Variants in DNHD1 observed in about 807,000 individuals in gnomAD.
DNHD1 encodes dynein heavy chain domain 1.
Under a neutral mutation model 458.1 loss-of-function variants are expected in DNHD1, and 383 were observed. That is an observed-to-expected ratio of 0.84 (90% confidence interval 0.77 to 0.91). The LOEUF (loss-of-function observed/expected upper bound fraction) is 0.91. Among genes scored for constraint, DNHD1 ranks in the 40% least tolerant of loss-of-function variants. The probability of loss-of-function intolerance (pLI) is 0.00; values close to 1 mark genes in which losing one functional copy is unlikely to be tolerated. For synonymous variants in DNHD1, 2,203 were observed against 2,376.9 expected, an observed-to-expected ratio of 0.93 and a Z score of 2.13; for missense variants, 5,336 against 5,866.1, an observed-to-expected ratio of 0.91 and a Z score of 2.95.
At position 6,563,711 on chromosome 11, in the gene DNHD1, AAGG is replaced by A. The variant is rs750531229; in HGVS notation, c.9874_9876del (p.Glu3292del). ...CTTCCAGGAGCTGGTGTTCTTCCCC[AAGG>A]AGAAGATAACAGACTCAGAGCTGAT... is the stretch of plus-strand genomic sequence containing the variant. On this transcript the variant is annotated inframe_deletion, in exon 31 of 43. Transcript: ENST00000254579. The A allele has an allele frequency of 1.8e-4, 278 of 1,546,142 alleles. No homozygotes were observed. The highest frequency in any genetic ancestry group is 4.1e-4 in the Admixed American group (21 of 50,800).
At chr11:6,544,347 A>G in intron 19 of DNHD1, 101 bp downstream of exon 19, 2 of 1,378,338 alleles carry the variant, frequency 1.5e-6, no homozygotes, top group South Asian at 2.6e-5. Flanking sequence ...GAAGATATGA[A>G]GAACACAGTG....
Position 6,544,580 on chromosome 11 carries a change from T to G in DNHD1, c.3761T>G (p.Leu1254Arg). Residue 1254 changes from leucine (L) to arginine (R), a missense_variant, in exon 20 of 43, where the codon CTG becomes CGG. Around this residue, in one of 4 missense-constraint regions of DNHD1, gnomAD observed 3,932 missense variants for 4,365.6 expected, o/e 0.90. Coordinates refer to ENST00000254579, the MANE Select transcript of DNHD1 (RefSeq NM_144666.3). ...WVAIMHGLGA[L>R]LEVWLTFQQK... is the part of the protein sequence containing the mutation. ...CCTCTGGCTGCTTACACAGGTGCCC[T>G]GCTGGAGGTGTGGCTGACTTTCCAG... is the stretch of plus-strand genomic sequence containing the variant. 6.4e-7 allele frequency: 1 copy of G among 1,551,398 alleles called. No homozygotes were observed. Among genetic ancestry groups the G allele is most frequent in the Non-Finnish European group, 8.7e-7 (1 of 1,146,846 alleles).
Position 6,558,003 on chromosome 11 carries a change from T to C in DNHD1, c.8708T>C (p.Leu2903Pro). The change falls in exon 25 of 43, where the codon CTG (leucine) becomes CCG (proline). Residue 2903 changes from leucine to proline, a missense_variant. Physicochemically the swap from Leu to Pro is moderately conservative, Grantham distance 98. Transcript: ENST00000254579. ...ACTGGGCGCCACACTGCCATCACTC[T>C]GGCTTCTAGCATTTGTCAGGCCCAT... ...LGTGRHTAIT[L>P]ASSICQAHFF... 3 of 1,551,746 alleles carry C rather than the reference T, an allele frequency of 1.9e-6. No individual in the cohort carries two copies. The highest frequency in any genetic ancestry group is 2.6e-6 in the Non-Finnish European group (3 of 1,146,998).
intron 33 of DNHD1, 101 bp from the exon 34 acceptor site, chr11:6,566,140 T>C: frequency 6.7e-7 from 1 of 1,498,392 alleles, no homozygotes; most frequent in Non-Finnish European, 9.0e-7. Flanking sequence ...AACCCTCCTA[T>C]CAGCCACAGG....
chr11:6,505,865 A>C lies in DNHD1; in HGVS notation c.920+2939A>C, dbSNP rs1589865327. On this transcript the variant is annotated intron_variant, in intron 4 of 42. Transcript: ENST00000254579. The surrounding 1 kb of genome is among the most constrained non-coding windows in gnomAD (Gnocchi z 4.4). Reference sequence around the variant, plus strand: ...CTAGTGGCTGCTACACTTGACTGTCATGGCTGTAATGATAGTAATGGTAAC... The same window carrying C: ...CTAGTGGCTGCTACACTTGACTGTCCTGGCTGTAATGATAGTAATGGTAAC... Among the ~76,000 whole-genome samples, 1 of 152,240 alleles carries C rather than the reference A, an allele frequency of 6.6e-6. No individual in the cohort carries two copies. Among genetic ancestry groups the C allele is most frequent in the Non-Finnish European group, 1.5e-5 (1 of 68,038 alleles).
At position 6,564,407 on chromosome 11, in the gene DNHD1, C is replaced by T; in HGVS notation, c.10359C>T (p.Pro3453=). ...CAGCTGCCATCATCTACCTGGGTCC[C>T]TTCCCACCATTGCGGCGCCAAGAGC... The part of the protein sequence containing the change: ...LCSAAIIYLG[P]FPPLRRQELL... The change falls in exon 32 of 43, where the codon CCC becomes CCT. Residue 3453 remains proline (P), a synonymous_variant. Transcript: ENST00000254579. The T allele has an allele frequency of 6.4e-7, 1 of 1,551,706 alleles. No homozygotes were observed. Among genetic ancestry groups the T allele is most frequent in the East Asian group, 2.4e-5 (1 of 40,920 alleles).
At chr11:6,549,103 T>C in intron 24 of DNHD1, 170 bp downstream of exon 24, 1 of 713,358 alleles carries the variant, frequency 1.4e-6, no homozygotes, top group Non-Finnish European at 2.3e-6. Context: ...CCATCCACTC[T>C]CATGGCCTCA....
intron 18 of DNHD1, among the ~76,000 whole-genome samples, chr11:6,540,357 T>C (rs1375310064): frequency 6.6e-6 from 1 of 152,128 alleles, no homozygotes; most frequent in Non-Finnish European, 1.5e-5. Context: ...CAGAAATTCC[T>C]CATAGTCAGT....
chr11:6,563,361 A>G, intron 29 of DNHD1, 21 bp from the exon 30 acceptor site: 2 of 1,550,978 alleles, frequency 1.3e-6, no homozygotes, highest in South Asian at 2.4e-5. Context: ...CTCACTTCAG[A>G]GGGTATCTCT....
chr11:6,516,606 C>A (rs1196665746), intron 7 of DNHD1, among the ~76,000 whole-genome samples: 2 of 152,080 alleles, frequency 1.3e-5, no homozygotes, highest in African/African-American at 4.8e-5. Context: ...CCAGTACTAA[C>A]CACCTTTTTA....
chr11:6,499,290 T>C (rs1164024950), intron 3 of DNHD1, among the ~76,000 whole-genome samples: 2 of 152,188 alleles, frequency 1.3e-5, no homozygotes, highest in African/African-American at 4.8e-5. Flanking sequence ...TCTCCTTAAT[T>C]ATTTTTCTAT....
chr11:6,560,830 T>C (rs1433834781), intron 28 of DNHD1, among the ~76,000 whole-genome samples: 1 of 152,234 alleles, frequency 6.6e-6, no homozygotes, highest in Non-Finnish European at 1.5e-5. Context: ...TTTAACTGGT[T>C]AATTTTTTCA....
chr11:6,558,764 T>C, intron 26 of DNHD1, 71 bp downstream of exon 26: 2 of 1,481,862 alleles, frequency 1.3e-6, no homozygotes, highest in Non-Finnish European at 1.8e-6. Flanking sequence ...CCTAGGTCAG[T>C]CTCTCTCTCT....
At chr11:6,558,407 A>T (rs1306545961) in intron 25 of DNHD1, 78 bp from the exon 26 acceptor site, 1 of 1,538,778 alleles carries the variant, frequency 6.5e-7, no homozygotes, top group Non-Finnish European at 8.8e-7. Flanking sequence ...ATTGGGGCTA[A>T]GTGGTCTGGC....
chr11:6,512,512 G>C (rs369040870), intron 7 of DNHD1, among the ~76,000 whole-genome samples: 1 of 151,882 alleles, frequency 6.6e-6, no homozygotes, highest in Non-Finnish European at 1.5e-5. Flanking sequence ...GTGAACCACC[G>C]CGCCTGGCCG....
intron 7 of DNHD1, among the ~76,000 whole-genome samples, chr11:6,515,234 GT>G (rs1372305169): frequency 6.6e-6 from 1 of 152,140 alleles, no homozygotes; most frequent in East Asian, 1.9e-4. Context: ...TGTTTTTTCT[GT>G]GAATGAGGAC....
At chr11:6,530,659 C>A (rs11040911) in intron 12 of DNHD1, among the ~76,000 whole-genome samples, 75,414 of 151,980 alleles carry the variant, frequency 0.5, 19,172 homozygotes, top group East Asian at 0.81. Context: ...CTGCTTGCTT[C>A]GCCTTCCCTG....
chr11:6,540,674 G>A (rs964785541), intron 18 of DNHD1, among the ~76,000 whole-genome samples: 2 of 152,180 alleles, frequency 1.3e-5, no homozygotes, highest in African/African-American at 4.8e-5. Flanking sequence ...TTTAGGCAGA[G>A]GCCTTATACT....
chr11:6,557,343 GGC>G lies in DNHD1; in HGVS notation c.8049_8050del (p.Pro2684ArgfsTer13). 1.3e-6 allele frequency: 2 copies of G among 1,551,492 alleles called. No individual in the cohort carries two copies. On this transcript the variant is annotated frameshift_variant, in exon 25 of 43. Coordinates refer to ENST00000254579, the MANE Select transcript of DNHD1 (RefSeq NM_144666.3). LOFTEE classifies it high-confidence loss of function. ...GTAGCTCAAAGTGTCTTCTGCTGTG[GGC>G]CAGGGCCCCAGCACCTGGGCAAGGA... is the stretch of plus-strand genomic sequence containing the variant.
Sources: gnomAD v4.1 joint callset for allele counts (sites outside exome capture counted in the v4.1 genomes callset) on GRCh38, gnomAD v4.1.1 for gene constraint, gnomAD v4.1.1 regional missense constraint, Gnocchi (gnomAD v3.1) non-coding constraint, MANE v1.5 for transcripts, NCBI Gene and HGNC (gene_info 2026-07-23, HGNC 2026-07-21) for gene names.